ANKFN1: variants seen among roughly 807,000 people sequenced by gnomAD.
ANKFN1 encodes ankyrin repeat and fibronectin type III domain containing 1, also known as ankyrin repeat and fibronectin type-III domain-containing protein 1.
In ANKFN1, 74 loss-of-function variants were observed where a neutral mutation model predicts 108.7. That is an observed-to-expected ratio of 0.68 (90% CI 0.56 to 0.83). The LOEUF is 0.83. Among genes scored for constraint, ANKFN1 ranks in the 40% least tolerant of loss-of-function variants. The probability of loss-of-function intolerance (pLI) is 0.00; values close to 1 mark genes in which losing one functional copy is unlikely to be tolerated. For synonymous variants in ANKFN1, 547 were observed against 516.2 expected (o/e 1.06, Z -0.81); for missense variants, 1,505 against 1,382.3 (o/e 1.09, Z -1.41).
Position 56,372,622 on chromosome 17 carries a change from G to A in ANKFN1, c.602-24G>A, listed in dbSNP as rs747368874. The A allele has an allele frequency of 9.4e-6, 15 of 1,592,700 alleles. No homozygotes were observed. In the East Asian group the frequency reaches 3.4e-4, roughly 36 times the overall value. On this transcript the variant is annotated intron_variant, in intron 6 of 20. Transcript: ENST00000682825. ...AGCATTTCCCCAGAAAGAAAGAGAA[G>A]TAATCCCATTTCTTTCCCTTTAGTT...
intron 3 of ANKFN1, among the ~76,000 whole-genome samples, chr17:56,234,101 C>G (rs552849350): frequency 1.1e-4 from 16 of 152,252 alleles, no homozygotes; most frequent in African/African-American, 3.6e-4. Flanking sequence ...AACAATAAAT[C>G]AAGACCTGGT....
chr17:56,339,004 A>G (rs2045891805), intron 4 of ANKFN1, among the ~76,000 whole-genome samples: 1 of 152,102 alleles, frequency 6.6e-6, no homozygotes, highest in South Asian at 2.1e-4. Flanking sequence ...GGGCAATATC[A>G]AGGCTTCTAA....
At chr17:56,442,964 T>C (rs749846734) in intron 10 of ANKFN1, 31 bp downstream of exon 10, 9 of 1,606,116 alleles carry the variant, frequency 5.6e-6, no homozygotes, top group Admixed American at 3.3e-5. Flanking sequence ...CTCTCCAGCA[T>C]GGTAACAGAC....
chr17:56,368,276 CTTTTT>C (rs71137202), intron 6 of ANKFN1: 19 of 65,990 alleles, frequency 2.9e-4, no homozygotes, highest in East Asian at 7.6e-4. Flanking sequence ...TGAAAATGAA[CTTTTT>C]TTTTTTTTTT....
chr17:56,233,600 C>G (rs934352383), intron 3 of ANKFN1, among the ~76,000 whole-genome samples: 3 of 151,972 alleles, frequency 2.0e-5, no homozygotes, highest in Non-Finnish European at 2.9e-5. Flanking sequence ...GTCCAGTTCT[C>G]CAGAACTACT....
intron 3 of ANKFN1, among the ~76,000 whole-genome samples, chr17:56,266,358 C>T (rs1450533908): frequency 6.6e-6 from 1 of 152,152 alleles, no homozygotes; most frequent in Admixed American, 6.5e-5. Flanking sequence ...TGAGCCCTTC[C>T]ATCCTGCCCG....
intron 4 of ANKFN1, among the ~76,000 whole-genome samples, chr17:56,075,392 C>T (rs1905169717): frequency 1.3e-5 from 2 of 152,100 alleles, no homozygotes; most frequent in African/African-American, 4.8e-5. Flanking sequence ...AGTTTTCTTG[C>T]CCAAACTAGA....
At chr17:56,326,106 C>G in intron 3 of ANKFN1, 115 bp from the exon 4 acceptor site, 1 of 1,397,602 alleles carries the variant, frequency 7.2e-7, no homozygotes. Context: ...TTTACTTCTC[C>G]CTTTCTCTCC....
At position 56,063,734 on chromosome 17, in the gene ANKFN1, T is replaced by A. The variant is rs911926238; in HGVS notation, c.288+17409T>A. 4.6e-5 allele frequency among the ~76,000 whole-genome samples: 7 copies of A among 152,092 alleles called. 1 individual carries two copies. In the East Asian group the frequency reaches 1.4e-3, roughly 29 times the overall value. Reference sequence around the variant, plus strand: ...GCATGGTTTTGTATTACTCATCTTCTGAAGCCTACTTCTGTCAATTCATCC... The same window carrying A: ...GCATGGTTTTGTATTACTCATCTTCAGAAGCCTACTTCTGTCAATTCATCC... On this transcript the variant is annotated intron_variant, in intron 4 of 12. Coordinates refer to the ANKFN1 transcript ENST00000635860.
chr17:56,227,655 G>A (rs1274572032), intron 2 of ANKFN1, among the ~76,000 whole-genome samples: 1 of 152,120 alleles, frequency 6.6e-6, no homozygotes, highest in Non-Finnish European at 1.5e-5. Context: ...TGAGCATCAA[G>A]TAGTCTTGAA....
At chr17:56,250,095 C>T (rs1810129245) in intron 3 of ANKFN1, among the ~76,000 whole-genome samples, 1 of 152,120 alleles carries the variant, frequency 6.6e-6, no homozygotes. Context: ...GGCCCATTTT[C>T]TCATTAAAAA....
chr17:56,212,024 T>C (rs1185753564), intron 1 of ANKFN1, among the ~76,000 whole-genome samples: 1 of 152,086 alleles, frequency 6.6e-6, no homozygotes, highest in African/African-American at 2.4e-5. Flanking sequence ...GTTTTCTAGG[T>C]ATATGATCAT....
chr17:56,255,834 A>G (rs550647272), intron 3 of ANKFN1, among the ~76,000 whole-genome samples: 1 of 152,276 alleles, frequency 6.6e-6, no homozygotes, highest in South Asian at 2.1e-4. Flanking sequence ...AATATTAGGA[A>G]TTTATGTAGG....
At chr17:56,472,969 A>G (rs2050371672) in intron 15 of ANKFN1, 1 of 152,208 alleles carries the variant, frequency 6.6e-6, no homozygotes, top group Non-Finnish European at 1.5e-5. Context: ...AAACTGGAAG[A>G]GTGGATTTCA....
chr17:56,098,438 ACGCG>A lies in ANKFN1; in HGVS notation c.288+52119_288+52122del, dbSNP rs953196592. Among the ~76,000 whole-genome samples, 398 of 132,910 alleles carry A rather than the reference ACGCG, an allele frequency of 3.0e-3. 1 individual carries two copies. Among genetic ancestry groups the A allele is most frequent in the African/African-American group, 9.3e-3 (236 of 25,266 alleles). 87.2% of individuals were successfully genotyped at this position (132,910 alleles called of 152,430 possible). On this transcript the variant is annotated intron_variant, in intron 4 of 12. Transcript: ENST00000635860. Reference sequence around the variant, plus strand: ...CACAAACACACACACACACACACACACGCGCGCGCACATACTCTATCCCCATTCC... The same window carrying A: ...CACAAACACACACACACACACACACACGCGCACATACTCTATCCCCATTCC...
At chr17:56,341,797 T>A (rs1391147916) in intron 4 of ANKFN1, among the ~76,000 whole-genome samples, 1 of 151,964 alleles carries the variant, frequency 6.6e-6, no homozygotes, top group Non-Finnish European at 1.5e-5. Context: ...CAGGTTTTGG[T>A]ATCAGGGTGA....
upstream of ANKFN1, among the ~76,000 whole-genome samples, chr17:56,150,580 T>C (rs1908540038): frequency 6.6e-6 from 1 of 152,208 alleles, no homozygotes; most frequent in Admixed American, 6.5e-5. Flanking sequence ...ATAAATGCAC[T>C]TGGGTAGTAG....
intron 3 of ANKFN1, among the ~76,000 whole-genome samples, chr17:56,239,806 G>T (rs1321552421): frequency 6.6e-6 from 1 of 152,046 alleles, no homozygotes; most frequent in Non-Finnish European, 1.5e-5. Context: ...ATACAAATGG[G>T]GTTCCTCAGA....
intron 8 of ANKFN1, among the ~76,000 whole-genome samples, chr17:56,379,434 C>T (rs546910957): frequency 6.6e-6 from 1 of 151,998 alleles, no homozygotes; most frequent in Non-Finnish European, 1.5e-5. Flanking sequence ...GTCCTTCACC[C>T]TTCTTCCAGT....
Sources: allele counts gnomAD v4.1 joint callset (sites outside exome capture counted in the v4.1 genomes callset), GRCh38; gene constraint gnomAD v4.1.1; transcripts MANE v1.5; gene names NCBI Gene and HGNC (gene_info 2026-07-23, HGNC 2026-07-21).